Variants in FAM114A1 observed in about 807,000 individuals in gnomAD.
FAM114A1 encodes the protein protein NOXP20.
A neutral mutation model predicts 64.3 loss-of-function variants in FAM114A1; 62 were observed. That is an observed-to-expected ratio of 0.96 (90% CI 0.79 to 1.19). FAM114A1 has a LOEUF of 1.19. Among genes scored for constraint, FAM114A1 ranks in the 50% most tolerant of loss-of-function variants. The pLI is 0.00. For synonymous variants in FAM114A1, 254 were observed against 251.1 expected (o/e 1.01, Z -0.11); for missense variants, 645 against 676.3 (o/e 0.95, Z 0.51).
intron 4 of FAM114A1, among the ~76,000 whole-genome samples, chr4:38,894,920 G>A (rs1716769356): frequency 6.6e-6 from 1 of 152,196 alleles, no homozygotes; most frequent in African/African-American, 2.4e-5. Context: ...GAGCTTAACA[G>A]GCTAAAATCA....
At chr4:38,929,113 C>T (rs1013293581) in intron 9 of FAM114A1, 129 bp from the exon 10 acceptor site, 20 of 692,824 alleles carry the variant, frequency 2.9e-5, no homozygotes, top group Admixed American at 6.4e-5. Flanking sequence ...CTTTGCCCAG[C>T]GGCTGGCGGG....
At chr4:38,928,264 T>A (rs1720328439) in intron 9 of FAM114A1, among the ~76,000 whole-genome samples, 1 of 152,176 alleles carries the variant, frequency 6.6e-6, no homozygotes, top group African/African-American at 2.4e-5. Context: ...AGTTCTGAGA[T>A]CATGTAGTCA....
At chr4:38,904,885 G>A (rs891687152) in intron 4 of FAM114A1, among the ~76,000 whole-genome samples, 36 of 152,248 alleles carry the variant, frequency 2.4e-4, no homozygotes, top group African/African-American at 8.7e-4. Context: ...CAGGTTGATA[G>A]CTAGGTGGTG....
intron 3 of FAM114A1, among the ~76,000 whole-genome samples, chr4:38,886,755 C>T (rs1560293287): frequency 6.6e-6 from 1 of 151,576 alleles, no homozygotes; most frequent in African/African-American, 2.4e-5. Context: ...AGGTGAAACC[C>T]TGTCTCCACT....
intron 9 of FAM114A1, among the ~76,000 whole-genome samples, chr4:38,928,923 T>C (rs2109776326): frequency 6.6e-6 from 1 of 152,326 alleles, no homozygotes; most frequent in South Asian, 2.1e-4. Context: ...TTTCAGCAAA[T>C]AGCTGCTGAC....
rs150720591 is a variant in FAM114A1, at chr4:38,934,806, C to T, written c.1464-912C>T. Among the ~76,000 whole-genome samples the T allele has an allele frequency of 5.3e-4, 80 of 152,296 alleles. No individual in the cohort carries two copies. The East Asian group carries it at 0.014, about 27-fold the overall frequency. On this transcript the variant is annotated intron_variant, in intron 12 of 14. Transcript: ENST00000358869. ...TTAAAAACACATTCTACATATTCTA[C>T]AGGATCTTTATTTTGAATCATATAA... is the stretch of plus-strand genomic sequence containing the variant.
At position 38,905,663 on chromosome 4, in the gene FAM114A1, C is replaced by T. The variant is rs187220962; in HGVS notation, c.550+28C>T. ...GAGTGATGTGTCTCCTCTGGGTGTT[C>T]TTGGACTTTATTACACCATGTGCAT... On this transcript the variant is annotated intron_variant, in intron 5 of 14. Coordinates refer to ENST00000358869, the MANE Select transcript of FAM114A1 (RefSeq NM_138389.4). 2.0e-4 allele frequency: 325 copies of T among 1,610,058 alleles called. 2 individuals carry two copies. The African/African-American group carries it at 3.8e-3, about 19-fold the overall frequency.
In FAM114A1 at chr4:38,922,790, A is replaced by G. The variant is rs777759223; in HGVS notation, c.966A>G (p.Ser322=). The G allele has an allele frequency of 6.2e-7, 1 of 1,611,134 alleles. No individual in the cohort carries two copies. Among genetic ancestry groups the G allele is most frequent in the South Asian group, 1.1e-5 (1 of 90,092 alleles). The change falls in exon 9 of 15, where the codon TCA becomes TCG. Residue 322 remains serine, a synonymous_variant. Coordinates refer to ENST00000358869, the MANE Select transcript of FAM114A1 (RefSeq NM_138389.4). Reference sequence around the variant, plus strand: ...TTCAGGTTCAGTCATTTTTAGCATCACTTGATGGAGAGAAGCTGGAACTCT... The same window carrying G: ...TTCAGGTTCAGTCATTTTTAGCATCGCTTGATGGAGAGAAGCTGGAACTCT... ...SESKVQSFLA[S]LDGEKLELLK... is the part of the protein sequence containing the mutation.
intron 4 of FAM114A1, among the ~76,000 whole-genome samples, chr4:38,893,599 C>T (rs761501104): frequency 6.6e-6 from 1 of 152,166 alleles, no homozygotes; most frequent in Non-Finnish European, 1.5e-5. Context: ...CTGCTCTAGC[C>T]CTGGTTGGTC....
At chr4:38,881,060 C>T (rs1715220521) in intron 3 of FAM114A1, among the ~76,000 whole-genome samples, 1 of 151,984 alleles carries the variant, frequency 6.6e-6, no homozygotes, top group South Asian at 2.1e-4. Flanking sequence ...TGGTGCATGC[C>T]TGTAGTCCCA....
At chr4:38,907,016 T>A (rs138912822) in intron 6 of FAM114A1, among the ~76,000 whole-genome samples, 1 of 152,276 alleles carries the variant, frequency 6.6e-6, no homozygotes, top group Admixed American at 6.5e-5. Flanking sequence ...CCCAGAGGAC[T>A]GAGGCGACTG....
chr4:38,915,749 GTGT>G (rs1560316311), intron 8 of FAM114A1, among the ~76,000 whole-genome samples: 10 of 71,210 alleles, frequency 1.4e-4, no homozygotes, highest in Non-Finnish European at 2.4e-4. Flanking sequence ...ATAGTGGTGT[GTGT>G]GTGTGTGTGT....
At chr4:38,917,404 T>C (rs547067652) in intron 8 of FAM114A1, among the ~76,000 whole-genome samples, 13 of 151,842 alleles carry the variant, frequency 8.6e-5, no homozygotes, top group Non-Finnish European at 1.5e-5. Flanking sequence ...AGCTGTATGA[T>C]TTTGGACCCC....
chr4:38,918,315 G>A (rs1185542115), intron 8 of FAM114A1, among the ~76,000 whole-genome samples: 1 of 152,158 alleles, frequency 6.6e-6, no homozygotes, highest in Non-Finnish European at 1.5e-5. Flanking sequence ...GTCCAAGATA[G>A]GAGTGCCTGG....
chr4:38,939,838 A>G (rs1721444781), intron 13 of FAM114A1, among the ~76,000 whole-genome samples: 1 of 151,666 alleles, frequency 6.6e-6, no homozygotes. Context: ...TGATAGACCG[A>G]TAGCATAAGC....
rs796345263 is a variant in FAM114A1, at chr4:38,893,812, G to A, written c.436+1982G>A. 2.6e-5 allele frequency among the ~76,000 whole-genome samples: 4 copies of A among 152,122 alleles called. No homozygotes were observed. The South Asian group carries it at 6.2e-4, about 24-fold the overall frequency. ...CAGTGGATGGTGCTCCAAGGCCTCC[G>A]GGTTTTGTCACCTGGTTCACATGTA... On this transcript the variant is annotated intron_variant, in intron 4 of 14. Coordinates refer to ENST00000358869, the MANE Select transcript of FAM114A1 (RefSeq NM_138389.4).
chr4:38,935,953 T>C (rs1035875245), intron 13 of FAM114A1, among the ~76,000 whole-genome samples, 163 bp downstream of exon 13: 10 of 152,230 alleles, frequency 6.6e-5, no homozygotes, highest in Non-Finnish European at 1.2e-4. Context: ...GACAGGCAGC[T>C]TAGGACTCTC....
intron 4 of FAM114A1, among the ~76,000 whole-genome samples, chr4:38,898,246 G>A (rs1717138876): frequency 6.6e-6 from 1 of 152,216 alleles, no homozygotes; most frequent in East Asian, 1.9e-4. Context: ...GAGGTTGGGG[G>A]TTGGTGTGTA....
In FAM114A1 at chr4:38,922,901, AAAATAACTT is replaced by A. The variant is rs770801206; in HGVS notation, c.1069+14_1069+22del. On this transcript the variant is annotated intron_variant, in intron 9 of 14. Coordinates refer to ENST00000358869, the MANE Select transcript of FAM114A1 (RefSeq NM_138389.4). ...AAAATCAAGAAGAACAAGGTAAAGG[AAAATAACTT>A]AAATAGCAAGACAAACTGTTGGCAT... 1.9e-6 allele frequency: 3 copies of A among 1,602,208 alleles called. No individual in the cohort carries two copies. In the Admixed American group the frequency reaches 5.3e-5, roughly 28 times the overall value.
Sources: allele counts gnomAD v4.1 joint callset (sites outside exome capture counted in the v4.1 genomes callset), GRCh38; gene constraint gnomAD v4.1.1; transcripts MANE v1.5; gene names NCBI Gene and HGNC (gene_info 2026-07-23, HGNC 2026-07-21).